The following TIPIN variants were observed in gnomAD, a reference collection of about 807,000 sequenced individuals.
TIPIN encodes TIMELESS-interacting protein.
TIPIN carries 29 observed loss-of-function variants against 35.6 expected under a neutral mutation model. The observed-to-expected ratio is 0.82, with a 90% CI of 0.61 to 1.11. TIPIN has a LOEUF of 1.11. Among genes scored for constraint, TIPIN ranks in the 50% most tolerant of loss-of-function variants. The pLI, the probability that TIPIN is intolerant of heterozygous loss-of-function variation, is 0.00. For missense variants in TIPIN, 296 were observed against 345.4 expected, an observed-to-expected ratio of 0.86 and a Z score of 1.13; for synonymous variants, 102 against 121.5, an observed-to-expected ratio of 0.84 and a Z score of 1.06.
chr15:66,375,733 G>A (rs890354509), intron 1 of TIPIN, among the ~76,000 whole-genome samples: 1 of 150,090 alleles, frequency 6.7e-6, no homozygotes, highest in Non-Finnish European at 1.5e-5. Context: ...GCTTCTCAGA[G>A]TTCCTCCCCG....
In TIPIN at chr15:66,351,605, G is replaced by C; in HGVS notation, c.213-5C>G. 6.3e-7 allele frequency: 1 copy of C among 1,580,224 alleles called. No individual in the cohort carries two copies. Among genetic ancestry groups the C allele is most frequent in the East Asian group, 2.2e-5 (1 of 44,666 alleles). The stretch of plus-strand genomic sequence containing the variant: ...AGTCCTCTCTCTGAAATTAATCTGT[G>C]AATAAAAGTATGTTTTTAATTTCAA... On this transcript the variant is annotated splice_polypyrimidine_tract_variant and splice_region_variant and intron_variant, in intron 3 of 7. Transcript: ENST00000261881.
intron 6 of TIPIN, among the ~76,000 whole-genome samples, chr15:66,343,752 AC>A (rs1327556867): frequency 6.6e-6 from 1 of 152,198 alleles, no homozygotes; most frequent in African/African-American, 2.4e-5. Flanking sequence ...TAATCCCAGC[AC>A]TTTTGGGGGC....
At chr15:66,357,686 A>G (rs367949445), upstream of TIPIN, among the ~76,000 whole-genome samples, 7 of 147,288 alleles carry the variant, frequency 4.8e-5, no homozygotes, top group Admixed American at 2.0e-4. Context: ...GGCCGGGTGC[A>G]GTGGCTCACG....
chr15:66,356,719 G>C (rs1386976342), upstream of TIPIN: 2 of 985,308 alleles, frequency 2.0e-6, no homozygotes, highest in South Asian at 4.7e-5. Context: ...GGAACTCCTG[G>C]GGCGAGAAGG....
At chr15:66,377,003 A>C (rs1355287924) in intron 1 of TIPIN, among the ~76,000 whole-genome samples, 1 of 150,490 alleles carries the variant, frequency 6.6e-6, no homozygotes, top group Non-Finnish European at 1.5e-5. Context: ...AGTTACTCAG[A>C]AGGCTGAGGC....
At chr15:66,370,358 C>A (rs8027432) in intron 1 of TIPIN, among the ~76,000 whole-genome samples, 1 of 152,012 alleles carries the variant, frequency 6.6e-6, no homozygotes, top group Non-Finnish European at 1.5e-5. Flanking sequence ...GGCATCTTTT[C>A]CTTTAATTAA....
chr15:66,382,118 C>T (rs1246947811), intron 1 of TIPIN, among the ~76,000 whole-genome samples: 1 of 152,096 alleles, frequency 6.6e-6, no homozygotes, highest in African/African-American at 2.4e-5. Context: ...AACCTATCAC[C>T]ATCACCATTT....
chr15:66,349,172 T>TG (rs773203336), intron 5 of TIPIN, 49 bp from the exon 6 acceptor site: 4 of 1,599,918 alleles, frequency 2.5e-6, no homozygotes, highest in Admixed American at 1.7e-5. Context: ...CCAATCATGT[T>TG]GGGGGGAGAT....
At chr15:66,382,263 G>T in intron 1 of TIPIN, 2 of 801,916 alleles carry the variant, frequency 2.5e-6, no homozygotes, top group Non-Finnish European at 3.0e-6. Flanking sequence ...TAAGTAATCA[G>T]CCAAGGGCAG....
intron 6 of TIPIN, among the ~76,000 whole-genome samples, chr15:66,348,740 T>C (rs1027453126): frequency 6.9e-6 from 1 of 145,196 alleles, no homozygotes; most frequent in African/African-American, 2.5e-5. Context: ...AGGCCAGGAG[T>C]GTGAGAGCAG....
intron 1 of TIPIN, among the ~76,000 whole-genome samples, chr15:66,375,245 T>C (rs946566439): frequency 1.3e-5 from 2 of 152,020 alleles, no homozygotes; most frequent in African/African-American, 2.4e-5. Context: ...TGCTTGTGAA[T>C]AGCTACTACA....
chr15:66,361,558 A>T (rs2093231193), upstream of TIPIN, among the ~76,000 whole-genome samples: 1 of 39,886 alleles, frequency 2.5e-5, no homozygotes, highest in Non-Finnish European at 5.6e-5. Flanking sequence ...CCCCACCTGT[A>T]ATTTAAAAAA....
At chr15:66,348,218 C>T (rs2093140751) in intron 6 of TIPIN, 1 of 151,958 alleles carries the variant, frequency 6.6e-6, no homozygotes, top group Non-Finnish European at 1.5e-5. Context: ...GTTGCCCGGG[C>T]TGATCTCCAA....
At chr15:66,341,904 G>A (rs995984186) in intron 6 of TIPIN, among the ~76,000 whole-genome samples, 1 of 152,160 alleles carries the variant, frequency 6.6e-6, no homozygotes, top group Admixed American at 6.5e-5. Context: ...TATGCATGAA[G>A]GCCGGGCGCG....
chr15:66,340,314 A>C (rs902668652), intron 7 of TIPIN, among the ~76,000 whole-genome samples: 6 of 147,288 alleles, frequency 4.1e-5, no homozygotes, highest in Non-Finnish European at 7.4e-5. Context: ...AGTGGCTGGG[A>C]TTACAGGTGC....
chr15:66,352,514 T>A (rs1160582830), intron 2 of TIPIN, among the ~76,000 whole-genome samples: 10 of 152,146 alleles, frequency 6.6e-5, no homozygotes, highest in Non-Finnish European at 1.5e-4. Flanking sequence ...GGTCTTGAAC[T>A]CCTGGGCTCA....
intron 7 of TIPIN, among the ~76,000 whole-genome samples, chr15:66,340,707 G>A (rs1428809599): frequency 3.3e-5 from 5 of 151,192 alleles, no homozygotes; most frequent in East Asian, 2.0e-4. Context: ...GGTGATTCTC[G>A]TACCTCAGCC....
chr15:66,382,876 G>T, intron 1 of TIPIN: 1 of 833,438 alleles, frequency 1.2e-6, no homozygotes, highest in Non-Finnish European at 1.4e-6. Context: ...TCTTATTCTT[G>T]TCTGTATGGT....
chr15:66,363,065 G>T (rs370542550), intron 1 of TIPIN, among the ~76,000 whole-genome samples: 127 of 152,328 alleles, frequency 8.3e-4, no homozygotes, highest in African/African-American at 3.0e-3. Context: ...AGCTGCAAAT[G>T]ATGGGGGGAA....
Sources: allele counts gnomAD v4.1 joint callset (sites outside exome capture counted in the v4.1 genomes callset), GRCh38; gene constraint gnomAD v4.1.1; transcripts MANE v1.5; gene names NCBI Gene and HGNC (gene_info 2026-07-23, HGNC 2026-07-21).